The following PDE7B variants were observed in gnomAD, a reference collection of about 807,000 sequenced individuals.
PDE7B encodes the protein phosphodiesterase 7B, also known as 3',5'-cyclic-AMP phosphodiesterase 7B.
A neutral mutation model predicts 56.2 loss-of-function variants in PDE7B; 29 were observed. The observed-to-expected ratio is 0.52, with a 90% confidence interval of 0.38 to 0.70. PDE7B has a LOEUF of 0.70. Among genes scored for constraint, PDE7B ranks in the 30% least tolerant of loss-of-function variants. PDE7B has a pLI of 0.00. For synonymous variants in PDE7B, 197 were observed against 196.9 expected, an observed-to-expected ratio of 1.00 and a Z score of 0.00; for missense variants, 490 against 565.0, an observed-to-expected ratio of 0.87 and a Z score of 1.35.
At chr6:136,058,002 G>T (rs1776768579) in intron 2 of PDE7B, among the ~76,000 whole-genome samples, 1 of 152,124 alleles carries the variant, frequency 6.6e-6, no homozygotes, top group Non-Finnish European at 1.5e-5. Context: ...CTTTAAAAGT[G>T]CTGGGATTAC....
intron 1 of PDE7B, among the ~76,000 whole-genome samples, chr6:135,896,370 C>T (rs1289375407): frequency 6.6e-6 from 1 of 152,102 alleles, no homozygotes; most frequent in Non-Finnish European, 1.5e-5. Flanking sequence ...TACTCCAACC[C>T]ATAGTTGCCT....
intron 2 of PDE7B, chr6:136,044,143 C>T (rs972487558): frequency 3.9e-5 from 6 of 152,190 alleles, no homozygotes; most frequent in African/African-American, 1.4e-4. Context: ...TGAATCCCTC[C>T]TGAGATTACT....
At chr6:136,109,368 A>T (rs927464473) in intron 3 of PDE7B, among the ~76,000 whole-genome samples, 32 of 152,212 alleles carry the variant, frequency 2.1e-4, no homozygotes, top group African/African-American at 7.5e-4. Context: ...AAAAACTGTG[A>T]TGCCCTATAC....
At chr6:135,859,733 A>T (rs761450923) in intron 1 of PDE7B, among the ~76,000 whole-genome samples, 2 of 152,012 alleles carry the variant, frequency 1.3e-5, no homozygotes. Flanking sequence ...CTTTGTATGT[A>T]GTAGTAATAC....
At chr6:136,141,378 T>C (rs1419564520) in intron 3 of PDE7B, among the ~76,000 whole-genome samples, 2 of 152,230 alleles carry the variant, frequency 1.3e-5, no homozygotes, top group South Asian at 4.1e-4. Flanking sequence ...CAGTATTTTA[T>C]TGAGGATACT....
intron 3 of PDE7B, among the ~76,000 whole-genome samples, chr6:136,141,059 T>C (rs896843612): frequency 6.6e-6 from 1 of 152,200 alleles, no homozygotes; most frequent in African/African-American, 2.4e-5. Flanking sequence ...TCAAAGGGAA[T>C]GCTTCCAGTT....
At position 136,038,420 on chromosome 6, in the gene PDE7B, C is replaced by G. The variant is rs537624092; in HGVS notation, c.83-70311C>G. 36 of 1,290,834 alleles carry G rather than the reference C, an allele frequency of 2.8e-5. No individual in the cohort carries two copies. In the South Asian group the frequency reaches 4.1e-4, roughly 15 times the overall value. The allele number at this position is 1,290,834 out of a possible 1,614,324, so 80.0% of individuals were successfully genotyped here. On this transcript the variant is annotated intron_variant, in intron 2 of 12. Transcript: ENST00000308191. The stretch of plus-strand genomic sequence containing the variant: ...GCAGGGGCCGCTGCCCTGGGACTTG[C>G]CAGAGATGATCAGGATGGTAAAGCT...
chr6:136,087,521 T>A (rs1348139424), intron 2 of PDE7B, among the ~76,000 whole-genome samples: 1 of 152,220 alleles, frequency 6.6e-6, no homozygotes, highest in Non-Finnish European at 1.5e-5. Flanking sequence ...GACTTGGAAA[T>A]TAAGTTAATA....
chr6:136,158,618 A>C lies in PDE7B; in HGVS notation c.711+2860A>C, dbSNP rs904307944. 2.0e-5 allele frequency among the ~76,000 whole-genome samples: 3 copies of C among 152,318 alleles called. No individual in the cohort carries two copies. The East Asian group carries it at 5.8e-4, about 29-fold the overall frequency. On this transcript the variant is annotated intron_variant, in intron 8 of 12. Coordinates refer to ENST00000308191, the MANE Select transcript of PDE7B (RefSeq NM_018945.4). ...TTCTACCCTGAGATAAAGAGAGAGC[A>C]GGGCAGCTGGAGTGAAGGCCAGGTC... is the stretch of plus-strand genomic sequence containing the variant.
chr6:136,066,062 A>G (rs1776930757), intron 2 of PDE7B, among the ~76,000 whole-genome samples: 1 of 152,108 alleles, frequency 6.6e-6, no homozygotes, highest in Admixed American at 6.5e-5. Context: ...TTTAAGTTTT[A>G]TCCAGGCATG....
chr6:135,899,278 C>T (rs4382284), intron 1 of PDE7B, among the ~76,000 whole-genome samples: 72,452 of 151,764 alleles, frequency 0.48, 18,089 homozygotes, highest in East Asian at 0.68. Flanking sequence ...AGTTCTACAA[C>T]GTTCATCTTA....
At chr6:136,046,843 T>G (rs1046857156) in intron 2 of PDE7B, among the ~76,000 whole-genome samples, 2 of 152,226 alleles carry the variant, frequency 1.3e-5, no homozygotes, top group African/African-American at 4.8e-5. Context: ...ATTGTCCTTC[T>G]GCAAACTCAC....
chr6:136,125,256 T>C (rs1193847548), intron 3 of PDE7B, among the ~76,000 whole-genome samples: 1 of 152,200 alleles, frequency 6.6e-6, no homozygotes, highest in African/African-American at 2.4e-5. Context: ...CTGTTTTTTA[T>C]TGATACTAAT....
At chr6:135,942,275 G>A (rs1250215503) in intron 1 of PDE7B, among the ~76,000 whole-genome samples, 1 of 152,032 alleles carries the variant, frequency 6.6e-6, no homozygotes, top group Non-Finnish European at 1.5e-5. Context: ...CATTTTGCTA[G>A]AACATATTAT....
At chr6:136,183,564 C>G (rs891374019) in intron 11 of PDE7B, among the ~76,000 whole-genome samples, 1 of 146,540 alleles carries the variant, frequency 6.8e-6, no homozygotes, top group Non-Finnish European at 1.5e-5. Flanking sequence ...CCACTGCACT[C>G]CAGCCTGGGT....
chr6:136,107,871 G>A (rs1777672121), intron 2 of PDE7B, among the ~76,000 whole-genome samples: 1 of 152,170 alleles, frequency 6.6e-6, no homozygotes, highest in Non-Finnish European at 1.5e-5. Flanking sequence ...GCTCATGCCT[G>A]TAATCCCAGA....
At chr6:135,855,897 T>G (rs1263067915) in intron 1 of PDE7B, among the ~76,000 whole-genome samples, 3 of 150,412 alleles carry the variant, frequency 2.0e-5, no homozygotes, top group Non-Finnish European at 4.4e-5. Context: ...GGCTCGGAAC[T>G]TCAAGATTAC....
chr6:136,132,518 T>C (rs1044897210), intron 3 of PDE7B, among the ~76,000 whole-genome samples: 1 of 152,172 alleles, frequency 6.6e-6, no homozygotes, highest in Non-Finnish European at 1.5e-5. Flanking sequence ...TCCAAACTCA[T>C]TTCTTCATCT....
intron 2 of PDE7B, among the ~76,000 whole-genome samples, chr6:135,984,468 T>C (rs1466473662): frequency 6.6e-6 from 1 of 152,172 alleles, no homozygotes; most frequent in Non-Finnish European, 1.5e-5. Context: ...TTAATTCCTC[T>C]AGTTACAGAA....
Sources: allele counts gnomAD v4.1 joint callset (sites outside exome capture counted in the v4.1 genomes callset), GRCh38; gene constraint gnomAD v4.1.1; transcripts MANE v1.5; gene names NCBI Gene and HGNC (gene_info 2026-07-23, HGNC 2026-07-21).